The following PMPCB variants were observed in gnomAD, a reference collection of about 807,000 sequenced individuals.
PMPCB encodes peptidase, mitochondrial processing subunit beta.
A neutral mutation model predicts 61.5 loss-of-function variants in PMPCB; 46 were observed. The observed-to-expected ratio is 0.75, with a 90% CI of 0.59 to 0.96. The LOEUF is 0.96. Ranked by LOEUF, PMPCB falls within the 40% of genes least tolerant of loss-of-function variation. PMPCB has a pLI of 0.00. For synonymous variants in PMPCB, 191 were observed against 201.6 expected (o/e 0.95, Z 0.44); for missense variants, 590 against 602.4 (o/e 0.98, Z 0.22).
the PMPCB span, among the ~76,000 whole-genome samples, chr7:103,338,320 G>A: frequency 4.1e-5 from 6 of 147,958 alleles, no homozygotes; most frequent in African/African-American, 7.5e-5. Flanking sequence ...TTTTTGAGAC[G>A]GAGTCTTGCT....
At position 103,298,625 on chromosome 7, in the gene PMPCB, C is replaced by T. The variant is rs141807021; in HGVS notation, c.157C>T (p.Leu53=). Reference sequence around the variant, plus strand: ...TACACAGGCTGCTACCCAAGTTGTTCTGAATGTTCCTGAAACAAGAGTAAC... The same window carrying T: ...TACACAGGCTGCTACCCAAGTTGTTTTGAATGTTCCTGAAACAAGAGTAAC... ...RSTQAATQVV[L]NVPETRVTCL... is the part of the protein sequence containing the mutation. Residue 53 remains leucine, a synonymous_variant, in exon 2 of 13, where the codon CTG becomes TTG. Transcript: ENST00000249269. 170 of 1,613,692 alleles carry T rather than the reference C, an allele frequency of 1.1e-4. No individual in the cohort carries two copies. The highest frequency in any genetic ancestry group is 1.6e-4 in the Middle Eastern group (1 of 6,082).
rs148236048 is a variant in PMPCB at position 103,307,622 on chromosome 7, T to C, written c.763T>C (p.Leu255=). Residue 255 remains leucine (L), a synonymous_variant, in exon 7 of 13, where the codon TTA becomes CTA. Coordinates refer to ENST00000249269, the MANE Select transcript of PMPCB (RefSeq NM_004279.3). ...TGTTTCCCATGATGAATTGCTTGAC[T>C]TAGCAAAGTTTCATTTCGGTGACTC... ...GGVSHDELLD[L]AKFHFGDSLC... is the part of the protein sequence containing the mutation. 57 of 1,612,050 alleles carry C rather than the reference T, an allele frequency of 3.5e-5. No homozygotes were observed. In the African/African-American group the frequency reaches 6.1e-4, roughly 17 times the overall value.
Position 103,327,945 on chromosome 7 carries a change from A to G in PMPCB, c.*1432-986A>G, listed in dbSNP as rs189293626. ...TTCTTCTTATTATTTTTTGAGACAG[A>G]GTTTTGCTCTTGTTGCCCAGGCTGG... is the stretch of plus-strand genomic sequence containing the variant. On this transcript the variant is annotated intron_variant and NMD_transcript_variant, in intron 12 of 12. Coordinates refer to the PMPCB transcript ENST00000444457. Among the ~76,000 whole-genome samples, 5 of 152,210 alleles carry G rather than the reference A, an allele frequency of 3.3e-5. No homozygotes were observed. In the East Asian group the frequency reaches 9.7e-4, roughly 29 times the overall value.
At chr7:103,305,196 A>G (rs983442645) in intron 6 of PMPCB, among the ~76,000 whole-genome samples, 26 of 152,138 alleles carry the variant, frequency 1.7e-4, no homozygotes, top group African/African-American at 6.3e-4. Flanking sequence ...TCAATCATTC[A>G]TTTAATAGAT....
chr7:103,302,069 TGATAGTTTGCTCA>T (rs1461005924), intron 4 of PMPCB, among the ~76,000 whole-genome samples: 14 of 152,278 alleles, frequency 9.2e-5, no homozygotes, highest in African/African-American at 3.4e-4. Flanking sequence ...TTTGTCCTTG[TGATAGTTTGCTCA>T]GAATGATGGT....
chr7:103,303,914 T>G lies in PMPCB; in HGVS notation c.530T>G (p.Val177Gly), dbSNP rs1436866272. 1.9e-6 allele frequency: 3 copies of G among 1,613,468 alleles called. No homozygotes were observed. The highest frequency in any genetic ancestry group is 1.7e-5 in the Admixed American group (1 of 59,980). Residue 177 changes from valine to glycine, a missense_variant, in exon 5 of 13, where the codon GTA (valine) becomes GGA (glycine). Physicochemically the swap from Val to Gly is moderately radical, Grantham distance 109. Transcript: ENST00000249269. ...GEAEIERERG[V>G]ILREMQEVET... ...GCAGAGATTGAACGTGAGCGTGGAG[T>G]AATCCTTAGAGAGATGCAGGAAGTT... is the stretch of plus-strand genomic sequence containing the variant.
At position 103,297,452 on chromosome 7, in the gene PMPCB, TAGCAGAAATGGC is replaced by T; in HGVS notation, c.-7_5del. On this transcript the variant is annotated start_lost and 5_prime_UTR_variant, in exon 1 of 13. Coordinates refer to ENST00000249269, the MANE Select transcript of PMPCB (RefSeq NM_004279.3). ...CATCCTTCATCCTCTACCTTCCTTC[TAGCAGAAATGGC>T]GGCTGCGGCGGCTCGAGTGGTGTTG... The T allele has an allele frequency of 6.5e-7, 1 of 1,545,190 alleles. No individual in the cohort carries two copies. Among genetic ancestry groups the T allele is most frequent in the African/African-American group, 1.4e-5 (1 of 72,958 alleles).
intron 3 of PMPCB, 61 bp downstream of exon 3, chr7:103,299,590 A>C: frequency 3.2e-6 from 3 of 949,658 alleles, no homozygotes; most frequent in Non-Finnish European, 5.0e-6. Context: ...ACAAAGTCTC[A>C]TTCTTTAGAG....
intron 9 of PMPCB, chr7:103,311,331 A>G (rs1197593624): frequency 3.0e-6 from 1 of 328,968 alleles, no homozygotes; most frequent in Non-Finnish European, 5.5e-6. Context: ...TGACCCACTG[A>G]CTTAACCCAT....
Position 103,297,976 on chromosome 7 carries a change from A to G in PMPCB, c.99+418A>G, listed in dbSNP as rs943151100. ...GAAGTAAAATTTTTTATGTATTTGC[A>G]TTTTTCTCATGAGAGAGCCTCTGAC... is the stretch of plus-strand genomic sequence containing the variant. On this transcript the variant is annotated intron_variant, in intron 1 of 12. Transcript: ENST00000249269. 64 of 1,178,774 alleles carry G rather than the reference A, an allele frequency of 5.4e-5. 2 individuals carry two copies. The South Asian group carries it at 6.8e-4, about 12-fold the overall frequency. The allele number at this position is 1,178,774 out of a possible 1,614,324, so 73.0% of individuals were successfully genotyped here.
At chr7:103,342,322 T>G in the PMPCB span, among the ~76,000 whole-genome samples, 4 of 151,692 alleles carry the variant, frequency 2.6e-5, no homozygotes, top group Non-Finnish European at 5.9e-5. Context: ...TTTTTTTTTT[T>G]GAGATGAAGT....
chr7:103,328,782 C>T (rs988990872), intron 12 of PMPCB: 2 of 276,334 alleles, frequency 7.2e-6, no homozygotes, highest in South Asian at 3.4e-5. Flanking sequence ...CTGCTTAATA[C>T]AGTATTTCAA....
At chr7:103,297,625 G>T in intron 1 of PMPCB, 67 bp downstream of exon 1, 1 of 1,599,320 alleles carries the variant, frequency 6.3e-7, no homozygotes, top group Non-Finnish European at 8.5e-7. Context: ...GCACCTGAGA[G>T]TCGGCGCCAC....
the PMPCB span, among the ~76,000 whole-genome samples, chr7:103,346,654 T>C: frequency 6.6e-6 from 1 of 152,220 alleles, no homozygotes; most frequent in South Asian, 2.1e-4. Flanking sequence ...AAACCATCCT[T>C]CTACTTTGTC....
downstream of PMPCB, among the ~76,000 whole-genome samples, chr7:103,317,824 T>C (rs1156357396): frequency 6.6e-6 from 1 of 152,166 alleles, no homozygotes; most frequent in East Asian, 1.9e-4. Context: ...CTAATTTTTG[T>C]ATTTTTAGCA....
At chr7:103,297,983 T>C in intron 1 of PMPCB, 1 of 1,152,690 alleles carries the variant, frequency 8.7e-7, no homozygotes, top group South Asian at 1.6e-5. Flanking sequence ...TGCATTTTTC[T>C]CATGAGAGAG....
intron 12 of PMPCB, chr7:103,321,910 G>T (rs778219220): frequency 1.3e-6 from 2 of 1,595,148 alleles, no homozygotes; most frequent in Non-Finnish European, 8.5e-7. Context: ...CTTGTGCCTA[G>T]TGTTTGTTCA....
At chr7:103,341,961 T>C in the PMPCB span, 10 of 1,558,870 alleles carry the variant, frequency 6.4e-6, no homozygotes, top group African/African-American at 5.5e-5. Flanking sequence ...GAGGCTGTGA[T>C]TGAAAGTGTT....
At position 103,313,368 on chromosome 7, in the gene PMPCB, T is replaced by G. The variant is rs1418089507; in HGVS notation, c.*1097T>G. On this transcript the variant is annotated 3_prime_UTR_variant, in exon 13 of 13. Transcript: ENST00000249269. Reference sequence around the variant, plus strand: ...CCTTGTACTGTTTATCTCTTAAAAATCAATGTAATACACTCACCAGACTGG... The same window carrying G: ...CCTTGTACTGTTTATCTCTTAAAAAGCAATGTAATACACTCACCAGACTGG... 1 of 1,129,594 alleles carries G rather than the reference T, an allele frequency of 8.9e-7. No individual in the cohort carries two copies. Among genetic ancestry groups the G allele is most frequent in the Admixed American group, 4.7e-5 (1 of 21,354 alleles). The allele number at this position is 1,129,594 out of a possible 1,614,324, so 70.0% of individuals were successfully genotyped here.
Sources: gnomAD v4.1 joint callset for allele counts (sites outside exome capture counted in the v4.1 genomes callset) on GRCh38, gnomAD v4.1.1 for gene constraint, MANE v1.5 for transcripts, NCBI Gene and HGNC (gene_info 2026-07-23, HGNC 2026-07-21) for gene names.